Variants in NCKAP5 observed in about 807,000 individuals in gnomAD.
The protein encoded by NCKAP5 is NCK associated protein 5.
A neutral mutation model predicts 167.0 loss-of-function variants in NCKAP5; 92 were observed. The observed-to-expected ratio is 0.55, with a 90% CI of 0.47 to 0.66. The LOEUF (loss-of-function observed/expected upper bound fraction) is 0.66, where lower values mean the gene tolerates loss of function less well. Ranked by LOEUF, NCKAP5 falls within the 30% of genes least tolerant of loss-of-function variation. The probability of loss-of-function intolerance (pLI) is 0.00; values close to 1 mark genes in which losing one functional copy is unlikely to be tolerated. For missense variants in NCKAP5, 2,378 were observed against 2,315.0 expected (o/e 1.03, Z -0.56); for synonymous variants, 891 against 877.4 (o/e 1.02, Z -0.27).
intron 6 of NCKAP5, among the ~76,000 whole-genome samples, chr2:133,090,796 A>T (rs911276613): frequency 6.6e-6 from 1 of 151,786 alleles, no homozygotes; most frequent in Non-Finnish European, 1.5e-5. Context: ...TTGGCGGGGG[A>T]AATTACAGAA....
At chr2:133,353,213 C>G (rs575771964) in intron 3 of NCKAP5, among the ~76,000 whole-genome samples, 12 of 152,316 alleles carry the variant, frequency 7.9e-5, no homozygotes, top group Admixed American at 6.5e-4. Flanking sequence ...TCTGAGGAAC[C>G]AACCATGCTA....
the NCKAP5 span, among the ~76,000 whole-genome samples, chr2:133,669,690 A>G: frequency 6.6e-6 from 1 of 152,244 alleles, no homozygotes; most frequent in South Asian, 2.1e-4. Context: ...ATTTTAACCA[A>G]ACATATGGCA....
intron 8 of NCKAP5, among the ~76,000 whole-genome samples, chr2:132,905,809 C>T (rs371105728): frequency 3.3e-5 from 5 of 152,048 alleles, no homozygotes; most frequent in East Asian, 1.9e-4. Context: ...ACTCTTTATC[C>T]GTTCTAATGC....
chr2:133,418,131 G>A (rs189365307), intron 3 of NCKAP5, among the ~76,000 whole-genome samples: 63 of 152,258 alleles, frequency 4.1e-4, no homozygotes, highest in African/African-American at 1.5e-3. Flanking sequence ...TCTTTACAAC[G>A]GATATTTTCT....
chr2:133,372,711 G>A (rs1242131097), intron 3 of NCKAP5, among the ~76,000 whole-genome samples: 2 of 152,156 alleles, frequency 1.3e-5, no homozygotes, highest in African/African-American at 4.8e-5. Context: ...GTAGATTTTA[G>A]GACCCAGATT....
chr2:133,631,912 T>C, the NCKAP5 span, among the ~76,000 whole-genome samples: 1 of 152,244 alleles, frequency 6.6e-6, no homozygotes, highest in Non-Finnish European at 1.5e-5. Context: ...GGGCTTAAAG[T>C]TGAACTTTAA....
intron 10 of NCKAP5, 45 bp from the exon 11 acceptor site, chr2:132,860,656 A>T: frequency 6.5e-7 from 1 of 1,540,618 alleles, no homozygotes; most frequent in Middle Eastern, 1.7e-4. Flanking sequence ...TAACTGAAAG[A>T]TGTCTTTGCA....
chr2:133,231,627 T>C (rs1259771465), intron 4 of NCKAP5, among the ~76,000 whole-genome samples: 2 of 152,014 alleles, frequency 1.3e-5, no homozygotes, highest in Non-Finnish European at 2.9e-5. Context: ...GAAACAACAA[T>C]GATTAGAATG....
At chr2:133,284,006 C>T (rs545826653) in intron 4 of NCKAP5, among the ~76,000 whole-genome samples, 9 of 152,164 alleles carry the variant, frequency 5.9e-5, no homozygotes. Flanking sequence ...GACTCAAGAA[C>T]TTGTAGAACT....
chr2:133,261,112 G>T (rs1018156814), intron 4 of NCKAP5, among the ~76,000 whole-genome samples: 1 of 152,172 alleles, frequency 6.6e-6, no homozygotes, highest in Non-Finnish European at 1.5e-5. Flanking sequence ...AAATGGAAAA[G>T]AATAAATTCT....
At chr2:133,105,768 T>C (rs2081663974) in intron 6 of NCKAP5, among the ~76,000 whole-genome samples, 1 of 152,242 alleles carries the variant, frequency 6.6e-6, no homozygotes, top group African/African-American at 2.4e-5. Context: ...GCAGAGGGTC[T>C]GAAGGAAGCA....
chr2:132,979,906 C>T (rs1171429929), intron 7 of NCKAP5, among the ~76,000 whole-genome samples: 1 of 151,972 alleles, frequency 6.6e-6, no homozygotes, highest in Non-Finnish European at 1.5e-5. Context: ...CATGAGACCA[C>T]AGCCACAGGA....
intron 4 of NCKAP5, among the ~76,000 whole-genome samples, chr2:133,223,111 G>C (rs2086723798): frequency 9.5e-6 from 1 of 105,398 alleles, no homozygotes. Flanking sequence ...CCTATGCTCA[G>C]GCATAGGTTT....
At chr2:133,606,273 T>C in the NCKAP5 span, among the ~76,000 whole-genome samples, 20 of 152,188 alleles carry the variant, frequency 1.3e-4, no homozygotes, top group Admixed American at 1.3e-3. Flanking sequence ...CAGGAATTCA[T>C]AAGAATAAGC....
chr2:133,516,143 C>T (rs567136422), intron 3 of NCKAP5, among the ~76,000 whole-genome samples: 1 of 152,198 alleles, frequency 6.6e-6, no homozygotes, highest in Admixed American at 6.5e-5. Context: ...TAAGACAGAC[C>T]CTATTGGCAT....
the NCKAP5 span, among the ~76,000 whole-genome samples, chr2:133,627,427 A>G: frequency 1.3e-5 from 2 of 152,224 alleles, no homozygotes; most frequent in South Asian, 4.1e-4. Context: ...ATGCTGTTAG[A>G]AATACAAATC....
chr2:133,521,927 A>G (rs1684511498), intron 2 of NCKAP5, among the ~76,000 whole-genome samples: 2 of 152,270 alleles, frequency 1.3e-5, no homozygotes, highest in South Asian at 4.1e-4. Context: ...AGTGGGGCTT[A>G]TGGTGGCTAC....
At chr2:133,105,193 T>A (rs2081642421) in intron 6 of NCKAP5, among the ~76,000 whole-genome samples, 1 of 152,262 alleles carries the variant, frequency 6.6e-6, no homozygotes, top group Non-Finnish European at 1.5e-5. Context: ...AATATACTTA[T>A]TTCCTCATTA....
intron 3 of NCKAP5, among the ~76,000 whole-genome samples, chr2:133,494,695 A>T (rs1323751996): frequency 1.3e-5 from 2 of 152,208 alleles, no homozygotes; most frequent in Non-Finnish European, 2.9e-5. Flanking sequence ...CAGGGATGTT[A>T]AGACTGATAA....
Sources: gnomAD v4.1 joint callset for allele counts (sites outside exome capture counted in the v4.1 genomes callset) on GRCh38, gnomAD v4.1.1 for gene constraint, MANE v1.5 for transcripts, NCBI Gene and HGNC (gene_info 2026-07-23, HGNC 2026-07-21) for gene names.